Variants in DIS3L2 observed in about 807,000 individuals in gnomAD.
The protein encoded by DIS3L2 is DIS3-like exonuclease 2.
In DIS3L2, 34 loss-of-function variants were observed where a neutral mutation model predicts 97.5. The ratio of observed to expected loss-of-function variants is 0.35; its 90% CI spans 0.27 to 0.46. The LOEUF (loss-of-function observed/expected upper bound fraction) is 0.46, where lower values mean the gene tolerates loss of function less well. Among genes scored for constraint, DIS3L2 ranks in the 20% least tolerant of loss-of-function variants. The probability of loss-of-function intolerance (pLI) is 1.00; values close to 1 mark genes in which losing one functional copy is unlikely to be tolerated. For missense variants in DIS3L2, 1,038 were observed against 1,146.0 expected (o/e 0.91, Z 1.36); for synonymous variants, 435 against 445.2 (o/e 0.98, Z 0.29).
chr2:232,127,020 A>C (rs1698080347), intron 6 of DIS3L2, among the ~76,000 whole-genome samples: 1 of 152,170 alleles, frequency 6.6e-6, no homozygotes. Flanking sequence ...TTTCTTCATT[A>C]ACAGTGACAG....
chr2:232,012,987 A>G (rs73098563), intron 1 of DIS3L2, among the ~76,000 whole-genome samples: 1 of 152,294 alleles, frequency 6.6e-6, no homozygotes, highest in African/African-American at 2.4e-5. Context: ...GTGGAGGCAT[A>G]TAATACTCCA....
intron 5 of DIS3L2, among the ~76,000 whole-genome samples, chr2:232,057,992 C>T (rs1394925861): frequency 6.6e-6 from 1 of 152,138 alleles, no homozygotes; most frequent in Non-Finnish European, 1.5e-5. Context: ...AAATTAATGG[C>T]ATTCCTCTGT....
rs185099359 is a variant in DIS3L2 at position 232,268,416 on chromosome 2, C to G, written c.1659+4976C>G. Among the ~76,000 whole-genome samples, 7 of 152,262 alleles carry G rather than the reference C, an allele frequency of 4.6e-5. No homozygotes were observed. The highest frequency in any genetic ancestry group is 1.7e-4 in the African/African-American group (7 of 41,526). On this transcript the variant is annotated intron_variant, in intron 13 of 20. Transcript: ENST00000325385. The surrounding 1 kb of genome is among the most constrained non-coding windows in gnomAD (Gnocchi z 4.1). ...TGTTATGTATGACCTTGACCTGTTC[C>G]AGCCTTTAAGGCAGGGATTGACGGA...
At chr2:232,280,374 G>T (rs1266862625) in intron 13 of DIS3L2, among the ~76,000 whole-genome samples, 1 of 152,162 alleles carries the variant, frequency 6.6e-6, no homozygotes, top group Non-Finnish European at 1.5e-5. Context: ...TGAAAAGAGG[G>T]TATGGGATGA....
At chr2:232,088,119 G>A (rs761476239) in intron 6 of DIS3L2, among the ~76,000 whole-genome samples, 2 of 152,116 alleles carry the variant, frequency 1.3e-5, no homozygotes, top group Admixed American at 1.3e-4. Flanking sequence ...TATTTTTGTC[G>A]GCTGGGCACA....
chr2:232,334,221 C>G, intron 17 of DIS3L2, 148 bp from the exon 18 acceptor site: 1 of 1,246,258 alleles, frequency 8.0e-7, no homozygotes, highest in Admixed American at 2.5e-5. Flanking sequence ...GCGCTGACCT[C>G]GAAGGGCCGC....
chr2:232,263,503 G>T (rs763780168), intron 13 of DIS3L2, 63 bp downstream of exon 13: 102 of 1,526,932 alleles, frequency 6.7e-5, no homozygotes, highest in Non-Finnish European at 3.3e-5. Context: ...CAGCGTGGAT[G>T]AGCGCAGCTT....
intron 12 of DIS3L2, among the ~76,000 whole-genome samples, chr2:232,255,624 T>C (rs577171193): frequency 2.6e-5 from 4 of 152,334 alleles, no homozygotes; most frequent in African/African-American, 9.6e-5. Flanking sequence ...GAGAGTCTTA[T>C]TCTCTGACTT....
At chr2:232,343,307 C>G (rs781579002) in intron 13 of DIS3L2, 2 of 1,529,520 alleles carry the variant, frequency 1.3e-6, no homozygotes, top group African/African-American at 2.8e-5. Flanking sequence ...CACATGAAAC[C>G]GCGCCTCCTC....
intron 6 of DIS3L2, among the ~76,000 whole-genome samples, chr2:232,125,853 G>T (rs1466903190): frequency 5.9e-5 from 9 of 152,172 alleles, no homozygotes; most frequent in Admixed American, 2.6e-4. Flanking sequence ...GTGAGGACTT[G>T]TGTTTTCATT....
At chr2:232,026,503 A>T (rs1445891291) in intron 4 of DIS3L2, among the ~76,000 whole-genome samples, 2 of 151,874 alleles carry the variant, frequency 1.3e-5, no homozygotes, top group Non-Finnish European at 2.9e-5. Flanking sequence ...GTCCATACCC[A>T]TTAGAAATAC....
At chr2:232,121,973 T>G (rs1159919146) in intron 6 of DIS3L2, among the ~76,000 whole-genome samples, 1 of 152,224 alleles carries the variant, frequency 6.6e-6, no homozygotes, top group Non-Finnish European at 1.5e-5. Context: ...TTAACTGGCC[T>G]CCTGCCTCCA....
chr2:232,218,470 G>A (rs566762029), intron 10 of DIS3L2, among the ~76,000 whole-genome samples: 3 of 151,702 alleles, frequency 2.0e-5, no homozygotes, highest in South Asian at 2.1e-4. Context: ...GTTTCAGGCC[G>A]GGTGTGGTGG....
intron 4 of DIS3L2, among the ~76,000 whole-genome samples, 160 bp from the exon 5 acceptor site, chr2:232,029,819 A>T (rs1340463294): frequency 6.6e-6 from 1 of 152,180 alleles, no homozygotes; most frequent in Admixed American, 6.5e-5. Context: ...TAAAAAATTC[A>T]TTTAGTATTA....
intron 1 of DIS3L2, among the ~76,000 whole-genome samples, chr2:231,968,607 C>T (rs570738158): frequency 4.6e-5 from 7 of 152,268 alleles, no homozygotes; most frequent in Non-Finnish European, 8.8e-5. Context: ...AATACATTTA[C>T]CTACCAATGG....
Position 232,323,093 on chromosome 2 carries a change from C to T in DIS3L2, c.1740-6720C>T, listed in dbSNP as rs551836689. On this transcript the variant is annotated intron_variant, in intron 14 of 20. Coordinates refer to ENST00000325385, the MANE Select transcript of DIS3L2 (RefSeq NM_152383.5). ...CTCCTCAGGACCTTGTTTCCAGTTC[C>T]GGTTGGGCAGGGGCTGGCACTGGAG... is the stretch of plus-strand genomic sequence containing the variant. 2.6e-3 allele frequency among the ~76,000 whole-genome samples: 389 copies of T among 152,330 alleles called. 1 individual carries two copies. Among genetic ancestry groups the T allele is most frequent in the Non-Finnish European group, 4.4e-3 (300 of 68,026 alleles).
chr2:232,008,247 C>T (rs1399186423), intron 1 of DIS3L2, among the ~76,000 whole-genome samples: 1 of 148,542 alleles, frequency 6.7e-6, no homozygotes, highest in Admixed American at 6.7e-5. Flanking sequence ...TGGCTGTTCT[C>T]AAACTCCTGG....
chr2:232,107,664 A>C (rs1697391729), intron 6 of DIS3L2, among the ~76,000 whole-genome samples: 1 of 152,202 alleles, frequency 6.6e-6, no homozygotes, highest in Admixed American at 6.5e-5. Context: ...TCGCCACTGC[A>C]CTCCAGCCTG....
At chr2:232,289,783 C>A (rs1463427608) in intron 13 of DIS3L2, among the ~76,000 whole-genome samples, 8 of 152,324 alleles carry the variant, frequency 5.3e-5, no homozygotes, top group Non-Finnish European at 1.0e-4. Context: ...ACTTCTGTTT[C>A]CCTTCCCTTT....
Sources: allele counts gnomAD v4.1 joint callset (sites outside exome capture counted in the v4.1 genomes callset), GRCh38; gene constraint gnomAD v4.1.1; non-coding constraint Gnocchi (gnomAD v3.1); transcripts MANE v1.5; gene names NCBI Gene and HGNC (gene_info 2026-07-23, HGNC 2026-07-21).